The following SHISA9 variants were observed in gnomAD, a reference collection of about 807,000 sequenced individuals.
SHISA9 encodes the protein protein shisa-9.
A neutral mutation model predicts 38.0 loss-of-function variants in SHISA9; 13 were observed. That is an observed-to-expected ratio of 0.34 (90% confidence interval 0.22 to 0.54). The LOEUF (loss-of-function observed/expected upper bound fraction) is 0.54. Among genes scored for constraint, SHISA9 ranks in the 20% least tolerant of loss-of-function variants. The probability of loss-of-function intolerance (pLI) is 0.91; values close to 1 mark genes in which losing one functional copy is unlikely to be tolerated. For synonymous variants in SHISA9, 275 were observed against 242.0 expected (o/e 1.14, Z -1.27); for missense variants, 538 against 575.8 (o/e 0.93, Z 0.67).
chr16:13,463,967 T>C, the SHISA9 span, among the ~76,000 whole-genome samples: 1 of 152,276 alleles, frequency 6.6e-6, no homozygotes, highest in African/African-American at 2.4e-5. Flanking sequence ...AGTTACGTTA[T>C]GCCCAAAGGC....
chr16:13,043,224 C>A (rs1367819785), intron 2 of SHISA9, among the ~76,000 whole-genome samples: 2 of 152,120 alleles, frequency 1.3e-5, no homozygotes, highest in Non-Finnish European at 2.9e-5. Flanking sequence ...AGAGGAGTGG[C>A]ATATCCCGTG....
chr16:13,349,068 G>T, the SHISA9 span, among the ~76,000 whole-genome samples: 1 of 152,098 alleles, frequency 6.6e-6, no homozygotes, highest in African/African-American at 2.4e-5. Context: ...CCTGGTAAGG[G>T]GCTCTTTGTA....
At chr16:13,231,435 A>G (rs1464125963) in intron 4 of SHISA9, among the ~76,000 whole-genome samples, 1 of 152,216 alleles carries the variant, frequency 6.6e-6, no homozygotes, top group Non-Finnish European at 1.5e-5. Flanking sequence ...AGGCAGGAAG[A>G]TGGGTTCTAG....
chr16:13,092,569 G>T (rs959684141), intron 2 of SHISA9, among the ~76,000 whole-genome samples: 2 of 152,202 alleles, frequency 1.3e-5, no homozygotes, highest in African/African-American at 4.8e-5. Context: ...CTCACATTTC[G>T]ATCTCAGACG....
the SHISA9 span, among the ~76,000 whole-genome samples, chr16:13,295,238 G>C: frequency 3.3e-5 from 5 of 152,096 alleles, no homozygotes; most frequent in Admixed American, 6.6e-5. Flanking sequence ...AAATTATTTT[G>C]TAGACAAAGG....
intron 2 of SHISA9, among the ~76,000 whole-genome samples, chr16:13,086,511 AAGG>A (rs1714459847): frequency 6.6e-6 from 1 of 152,178 alleles, no homozygotes; most frequent in Non-Finnish European, 1.5e-5. Flanking sequence ...GATGCAAAAA[AAGG>A]AGACTTGAGA....
chr16:13,189,423 T>A (rs548020482), intron 2 of SHISA9, among the ~76,000 whole-genome samples: 1 of 152,346 alleles, frequency 6.6e-6, no homozygotes, highest in Non-Finnish European at 1.5e-5. Context: ...TGGCATCGAA[T>A]CCTGATGTTG....
the SHISA9 span, among the ~76,000 whole-genome samples, chr16:13,250,301 G>T: frequency 1.3e-5 from 2 of 152,134 alleles, no homozygotes; most frequent in African/African-American, 4.8e-5. Context: ...AGGAGTGGGG[G>T]CAGGAGGTAC....
At chr16:13,438,959 T>C in the SHISA9 span, among the ~76,000 whole-genome samples, 1 of 152,174 alleles carries the variant, frequency 6.6e-6, no homozygotes, top group South Asian at 2.1e-4. Context: ...AGGTCATTCT[T>C]GGGACATTTT....
chr16:13,500,547 C>T, the SHISA9 span, among the ~76,000 whole-genome samples: 6 of 143,434 alleles, frequency 4.2e-5, no homozygotes, highest in South Asian at 1.1e-3. Flanking sequence ...TTTCCAGGCA[C>T]AGCAATGGAA....
intron 2 of SHISA9, among the ~76,000 whole-genome samples, chr16:13,041,397 A>G (rs1596605949): frequency 1.3e-5 from 2 of 152,154 alleles, no homozygotes; most frequent in South Asian, 2.1e-4. Context: ...TCTGCCATTC[A>G]TCAGGGCTTT....
chr16:13,099,924 G>T (rs531074024), intron 2 of SHISA9, among the ~76,000 whole-genome samples: 31 of 152,284 alleles, frequency 2.0e-4, no homozygotes, highest in African/African-American at 6.7e-4. Flanking sequence ...GTTGACCTCT[G>T]AGCCTTTTGT....
intron 2 of SHISA9, among the ~76,000 whole-genome samples, chr16:13,107,919 T>A (rs556478277): frequency 1.3e-5 from 2 of 152,274 alleles, no homozygotes; most frequent in African/African-American, 4.8e-5. Context: ...AGCAAAAGCC[T>A]TACACATAGT....
the SHISA9 span, among the ~76,000 whole-genome samples, chr16:13,553,924 C>A: frequency 6.6e-6 from 1 of 151,942 alleles, no homozygotes; most frequent in African/African-American, 2.4e-5. Flanking sequence ...TCATTGTGAC[C>A]CAAAATAAAC....
At chr16:13,345,000 G>A in the SHISA9 span, among the ~76,000 whole-genome samples, 8 of 152,300 alleles carry the variant, frequency 5.3e-5, no homozygotes, top group East Asian at 3.9e-4. Context: ...TTGGAAGGAA[G>A]GAGAGGGAGG....
At chr16:13,298,097 C>T in the SHISA9 span, among the ~76,000 whole-genome samples, 1 of 152,178 alleles carries the variant, frequency 6.6e-6, no homozygotes, top group Non-Finnish European at 1.5e-5. Context: ...CATGGACCTG[C>T]CAGGCTGCAG....
At chr16:12,968,936 G>A (rs574938532) in intron 2 of SHISA9, among the ~76,000 whole-genome samples, 4 of 152,104 alleles carry the variant, frequency 2.6e-5, no homozygotes, top group African/African-American at 9.6e-5. Flanking sequence ...GGAGGCCGAG[G>A]CTGAGGTCAG....
intron 2 of SHISA9, among the ~76,000 whole-genome samples, chr16:13,059,121 CTTTTTTTTT>C (rs3075088): frequency 5.3e-5 from 4 of 74,834 alleles, no homozygotes; most frequent in Non-Finnish European, 6.9e-5. Context: ...AAAACTCTAT[CTTTTTTTTT>C]TTTTTTTTTT....
chr16:13,118,592 T>C (rs75402187), intron 2 of SHISA9, among the ~76,000 whole-genome samples: 5,303 of 152,012 alleles, frequency 0.035, 341 homozygotes, highest in African/African-American at 0.12. Context: ...AGTAAGTGAG[T>C]CTGGGGCAGG....
Sources: gnomAD v4.1 joint callset for allele counts (sites outside exome capture counted in the v4.1 genomes callset) on GRCh38, gnomAD v4.1.1 for gene constraint, MANE v1.5 for transcripts, NCBI Gene and HGNC (gene_info 2026-07-23, HGNC 2026-07-21) for gene names.